The following MYCBP2 variants were observed in gnomAD, a reference collection of about 807,000 sequenced individuals.
MYCBP2 encodes the protein E3 ubiquitin-protein ligase MYCBP2.
MYCBP2 carries 120 observed loss-of-function variants against 525.3 expected under a neutral mutation model. The ratio of observed to expected loss-of-function variants is 0.23; its 90% CI spans 0.20 to 0.27. The LOEUF (loss-of-function observed/expected upper bound fraction) is 0.27. Among genes scored for constraint, MYCBP2 ranks in the 10% least tolerant of loss-of-function variants. The pLI is 1.00. For missense variants in MYCBP2, 4,149 were observed against 5,657.1 expected, an observed-to-expected ratio of 0.73 and a Z score of 8.55; for synonymous variants, 1,894 against 1,955.8, an observed-to-expected ratio of 0.97 and a Z score of 0.83.
intron 52 of MYCBP2, among the ~76,000 whole-genome samples, chr13:77,137,945 G>GA (rs945335406): frequency 8.0e-5 from 12 of 149,704 alleles, no homozygotes; most frequent in South Asian, 6.3e-4. Context: ...GTCTATATTG[G>GA]AAAAAAAAAC....
intron 29 of MYCBP2, 111 bp from the exon 30 acceptor site, chr13:77,189,158 T>C (rs1033670598): frequency 2.7e-6 from 2 of 743,330 alleles, no homozygotes; most frequent in Non-Finnish European, 3.8e-6. Context: ...TATTTAAATT[T>C]TTTTGCCAGG....
chr13:77,211,189 G>A lies in MYCBP2; in HGVS notation c.3394C>T (p.Pro1132Ser). 1 of 1,497,498 alleles carries A rather than the reference G, an allele frequency of 6.7e-7. No homozygotes were observed. Among genetic ancestry groups the A allele is most frequent in the East Asian group, 2.5e-5 (1 of 39,440 alleles). 92.8% of individuals were successfully genotyped at this position (1,497,498 alleles called of 1,614,324 possible). Residue 1132 changes from proline to serine, a missense_variant, in exon 23 of 83, where the codon CCT becomes TCT. Coordinates refer to ENST00000544440, the MANE Select transcript of MYCBP2 (RefSeq NM_015057.5). ...TACCTCCAAATTACATCATATACAGGATCAAGACACACACCAAATCCTTGC... is the reference window on the plus strand; with the variant it reads ...TACCTCCAAATTACATCATATACAGAATCAAGACACACACCAAATCCTTGC... ...DLQGFGVCLDPVYDVIWRFRP... is the reference protein window; with the variant it reads ...DLQGFGVCLDSVYDVIWRFRP...
intron 28 of MYCBP2, 23 bp from the exon 29 acceptor site, chr13:77,190,358 C>A: frequency 2.2e-6 from 3 of 1,354,202 alleles, no homozygotes; most frequent in Non-Finnish European, 2.1e-6. Flanking sequence ...AACAATGATA[C>A]CAAAAACAAC....
chr13:77,294,590 GA>G (rs1262550600), intron 2 of MYCBP2, among the ~76,000 whole-genome samples: 1 of 151,934 alleles, frequency 6.6e-6, no homozygotes, highest in African/African-American at 2.4e-5. Context: ...ACCACTTCAG[GA>G]AAATCACCAA....
At position 77,176,662 on chromosome 13, in the gene MYCBP2, C is replaced by A. The variant is rs1318412668; in HGVS notation, c.5341-34G>T. 1.7e-5 allele frequency: 25 copies of A among 1,459,754 alleles called. 1 individual carries two copies. The South Asian group carries it at 3.9e-4, about 23-fold the overall frequency. 90.4% of individuals were successfully genotyped at this position (1,459,754 alleles called of 1,614,324 possible). A position where few individuals can be genotyped will look rare whatever the true frequency, so the allele number is the denominator to read the frequency against. On this transcript the variant is annotated intron_variant, in intron 35 of 82. Coordinates refer to ENST00000544440, the MANE Select transcript of MYCBP2 (RefSeq NM_015057.5). ...AAAAAATGAAACACAAAAATTCCAA[C>A]AGACTCTTAATTTTATTGTATGAAC...
At position 77,205,383 on chromosome 13, in the gene MYCBP2, C is replaced by G; in HGVS notation, c.3716G>C (p.Ser1239Thr). ...EDYSVVNRFESHGGGWGYSAH... is the reference protein window; with the variant it reads ...EDYSVVNRFETHGGGWGYSAH... ...AGAATAACCCCAGCCTCCTCCATGA[C>G]CTAGAATATATAAATCATAATCTAT... The change falls in exon 26 of 83, where the codon AGT (serine) becomes ACT (threonine). Residue 1239 changes from serine (S) to threonine (T), a missense_variant and splice_region_variant. By Grantham distance (58) the Ser-to-Thr change is moderately conservative (BLOSUM62 1). Transcript: ENST00000544440. 1 of 1,613,002 alleles carries G rather than the reference C, an allele frequency of 6.2e-7. No individual in the cohort carries two copies. The highest frequency in any genetic ancestry group is 1.1e-5 in the South Asian group (1 of 90,830).
chr13:77,228,884 A>G (rs1481490170), intron 18 of MYCBP2, among the ~76,000 whole-genome samples: 1 of 152,170 alleles, frequency 6.6e-6, no homozygotes, highest in Non-Finnish European at 1.5e-5. Context: ...CTAACTTCTA[A>G]TTTTAATTTT....
chr13:77,170,842 T>C (rs1385674175), intron 38 of MYCBP2, among the ~76,000 whole-genome samples: 1 of 152,180 alleles, frequency 6.6e-6, no homozygotes, highest in Non-Finnish European at 1.5e-5. Flanking sequence ...CCCAAAGTGC[T>C]GGGATTACAG....
At chr13:77,186,646 A>G (rs1296670706) in intron 30 of MYCBP2, among the ~76,000 whole-genome samples, 1 of 152,144 alleles carries the variant, frequency 6.6e-6, no homozygotes, top group Non-Finnish European at 1.5e-5. Context: ...AAATTCTAGC[A>G]TATGAGTTTA....
At chr13:77,268,110 G>C (rs1039716777) in intron 7 of MYCBP2, among the ~76,000 whole-genome samples, 173 bp from the exon 8 acceptor site, 14 of 152,230 alleles carry the variant, frequency 9.2e-5, no homozygotes, top group Admixed American at 5.9e-4. Context: ...TAGAGGAAAA[G>C]TCATACATTA....
rs2046270683 is a variant in MYCBP2, at chr13:77,096,492, T to C, written c.9785-11A>G. Reference sequence around the variant, plus strand: ...CATATCGGCCACAACCTTGAAACAATACCAAAAATAAATATTTAACACTCC... The same window carrying C: ...CATATCGGCCACAACCTTGAAACAACACCAAAAATAAATATTTAACACTCC... On this transcript the variant is annotated splice_polypyrimidine_tract_variant and intron_variant, in intron 56 of 82. Coordinates refer to ENST00000544440, the MANE Select transcript of MYCBP2 (RefSeq NM_015057.5). 6.2e-7 allele frequency: 1 copy of C among 1,612,324 alleles called. No homozygotes were observed. The highest frequency in any genetic ancestry group is 8.5e-7 in the Non-Finnish European group (1 of 1,179,126).
At chr13:77,287,432 G>C (rs1331405012) in intron 3 of MYCBP2, among the ~76,000 whole-genome samples, 1 of 152,020 alleles carries the variant, frequency 6.6e-6, no homozygotes, top group Non-Finnish European at 1.5e-5. Flanking sequence ...TGATCCACCC[G>C]CCTTGGCCTC....
At chr13:77,262,754 G>A (rs1052847537) in intron 10 of MYCBP2, among the ~76,000 whole-genome samples, 19 of 151,940 alleles carry the variant, frequency 1.3e-4, no homozygotes, top group African/African-American at 4.1e-4. Flanking sequence ...AAAACTATGA[G>A]TAATTGTAGC....
intron 32 of MYCBP2, among the ~76,000 whole-genome samples, chr13:77,182,732 C>CATTAG (rs2060325333): frequency 6.6e-6 from 1 of 152,148 alleles, no homozygotes; most frequent in South Asian, 2.1e-4. Context: ...GCCTGGGATG[C>CATTAG]ATTAGTGATG....
intron 47 of MYCBP2, among the ~76,000 whole-genome samples, chr13:77,148,133 A>G (rs1448793810): frequency 6.6e-6 from 1 of 151,868 alleles, no homozygotes; most frequent in Non-Finnish European, 1.5e-5. Context: ...TTTTTTTTTA[A>G]TAGTAGAAAT....
chr13:77,211,507 C>T (rs762408278), intron 22 of MYCBP2, among the ~76,000 whole-genome samples, 187 bp from the exon 23 acceptor site: 2 of 152,162 alleles, frequency 1.3e-5, no homozygotes, highest in Non-Finnish European at 2.9e-5. Flanking sequence ...ATCCACAACA[C>T]ATGCTCCTAA....
chr13:77,056,235 TA>T (rs1466042885), intron 79 of MYCBP2, among the ~76,000 whole-genome samples: 4 of 151,916 alleles, frequency 2.6e-5, no homozygotes, highest in Admixed American at 6.6e-5. Flanking sequence ...AACTTTCATG[TA>T]TCTATTAATA....
At chr13:77,259,444 G>A (rs1447929134) in intron 13 of MYCBP2, among the ~76,000 whole-genome samples, 1 of 152,090 alleles carries the variant, frequency 6.6e-6, no homozygotes, top group Non-Finnish European at 1.5e-5. Flanking sequence ...AATATATGTT[G>A]AAGAAATATA....
rs373379032 is a variant in MYCBP2 at position 77,121,516 on chromosome 13, G to A, written c.8018-21C>T. ...TTGTTCTACAATAAAAGCCATAGCTGTAACATTAGTTTCTTACGTGCTATT... is the reference window on the plus strand; with the variant it reads ...TTGTTCTACAATAAAAGCCATAGCTATAACATTAGTTTCTTACGTGCTATT... On this transcript the variant is annotated intron_variant, in intron 54 of 82. Coordinates refer to ENST00000544440, the MANE Select transcript of MYCBP2 (RefSeq NM_015057.5). 26 of 1,538,128 alleles carry A rather than the reference G, an allele frequency of 1.7e-5. No homozygotes were observed. The African/African-American group carries it at 3.3e-4, about 19-fold the overall frequency.
Sources: allele counts gnomAD v4.1 joint callset (sites outside exome capture counted in the v4.1 genomes callset), GRCh38; gene constraint gnomAD v4.1.1; transcripts MANE v1.5; gene names NCBI Gene and HGNC (gene_info 2026-07-23, HGNC 2026-07-21).